TRPM3: variants seen among roughly 807,000 people sequenced by gnomAD.
TRPM3 encodes long transient receptor potential channel 3.
In TRPM3, 77 loss-of-function variants were observed where a neutral mutation model predicts 181.2. That is an observed-to-expected ratio of 0.42 (90% CI 0.35 to 0.51). TRPM3 has a LOEUF of 0.51. TRPM3 is among the 20% of genes least tolerant of loss of function. The pLI is 0.01. For missense variants in TRPM3, 1,759 were observed against 2,196.7 expected (o/e 0.80, Z 3.98); for synonymous variants, 745 against 796.4 (o/e 0.94, Z 1.09).
intron 6 of TRPM3, among the ~76,000 whole-genome samples, chr9:70,822,905 C>T (rs535427104): frequency 3.9e-5 from 6 of 152,108 alleles, no homozygotes; most frequent in African/African-American, 1.4e-4. Context: ...TGTGTCACTA[C>T]CCACCTTGAT....
At chr9:71,435,941 C>T (rs1157440715) in intron 1 of TRPM3, among the ~76,000 whole-genome samples, 2 of 152,116 alleles carry the variant, frequency 1.3e-5, no homozygotes, top group Non-Finnish European at 2.9e-5. Context: ...AACTTTACTG[C>T]CTTTGAAAAT....
intron 9 of TRPM3, among the ~76,000 whole-genome samples, chr9:70,660,937 G>T (rs1032873350): frequency 6.6e-6 from 1 of 151,984 alleles, no homozygotes; most frequent in African/African-American, 2.4e-5. Context: ...CATTCGATGA[G>T]GCCAGCATCA....
At chr9:71,416,807 C>A (rs538501086) in intron 1 of TRPM3, among the ~76,000 whole-genome samples, 1 of 151,822 alleles carries the variant, frequency 6.6e-6, no homozygotes, top group Non-Finnish European at 1.5e-5. Context: ...TTTTATAACC[C>A]CAGGAAGTTT....
At chr9:70,983,416 A>G (rs1478217540) in intron 1 of TRPM3, among the ~76,000 whole-genome samples, 1 of 152,152 alleles carries the variant, frequency 6.6e-6, no homozygotes, top group Non-Finnish European at 1.5e-5. Context: ...TAGATACTTC[A>G]AAGGCATCAA....
chr9:71,426,274 A>C (rs1018240529), intron 1 of TRPM3, among the ~76,000 whole-genome samples: 1 of 134,720 alleles, frequency 7.4e-6, no homozygotes, highest in Non-Finnish European at 1.6e-5. Context: ...TAATCTCTTC[A>C]GCCCCAGCAA....
chr9:71,231,915 A>G (rs891996371), intron 1 of TRPM3, among the ~76,000 whole-genome samples: 1 of 152,204 alleles, frequency 6.6e-6, no homozygotes, highest in Non-Finnish European at 1.5e-5. Context: ...CCTTGAACCT[A>G]AAAGTCGAAA....
intron 1 of TRPM3, among the ~76,000 whole-genome samples, chr9:70,916,757 A>G (rs12342291): frequency 0.016 from 2,419 of 152,340 alleles, 61 homozygotes; most frequent in African/African-American, 0.054. Flanking sequence ...AAATACAAGC[A>G]GCACTTTGTT....
chr9:71,326,466 G>T (rs556803690), intron 1 of TRPM3, among the ~76,000 whole-genome samples: 5 of 152,184 alleles, frequency 3.3e-5, no homozygotes, highest in Admixed American at 1.3e-4. Flanking sequence ...GCAAATAATT[G>T]TATTAATCTC....
chr9:71,194,537 A>G (rs559068793), intron 1 of TRPM3, among the ~76,000 whole-genome samples: 1 of 151,884 alleles, frequency 6.6e-6, no homozygotes, highest in Non-Finnish European at 1.5e-5. Flanking sequence ...TAAAAAGATG[A>G]CAGTAAAACT....
chr9:70,846,127 T>G (rs1234367592), intron 4 of TRPM3, among the ~76,000 whole-genome samples: 1 of 152,214 alleles, frequency 6.6e-6, no homozygotes, highest in Non-Finnish European at 1.5e-5. Flanking sequence ...CCATTAGTCA[T>G]GTTTATGAAT....
intron 1 of TRPM3, among the ~76,000 whole-genome samples, chr9:71,216,043 G>A (rs1025779402): frequency 3.9e-5 from 6 of 152,222 alleles, no homozygotes; most frequent in African/African-American, 1.4e-4. Context: ...TATGTCTATT[G>A]TGAAAGCTAA....
At chr9:70,766,443 A>T (rs551210291) in intron 7 of TRPM3, among the ~76,000 whole-genome samples, 1 of 152,190 alleles carries the variant, frequency 6.6e-6, no homozygotes, top group Non-Finnish European at 1.5e-5. Context: ...CCTTCCTGTG[A>T]CCCCCATAGA....
At chr9:70,799,809 A>G (rs1379212786) in intron 6 of TRPM3, among the ~76,000 whole-genome samples, 1 of 152,194 alleles carries the variant, frequency 6.6e-6, no homozygotes, top group Non-Finnish European at 1.5e-5. Context: ...GAGCTGAGGC[A>G]GGCCAGCAAA....
At chr9:70,909,101 G>A (rs1185502552) in intron 1 of TRPM3, among the ~76,000 whole-genome samples, 1 of 152,286 alleles carries the variant, frequency 6.6e-6, no homozygotes, top group South Asian at 2.1e-4. Context: ...AAGATTAATT[G>A]CAGTGCATTA....
intron 1 of TRPM3, among the ~76,000 whole-genome samples, chr9:70,909,534 G>T (rs1280746509): frequency 1.3e-5 from 2 of 152,022 alleles, no homozygotes; most frequent in Non-Finnish European, 2.9e-5. Flanking sequence ...AGAGGCAACA[G>T]CATTGGAAGG....
At chr9:70,796,197 AC>A (rs2086983886) in intron 6 of TRPM3, among the ~76,000 whole-genome samples, 1 of 152,176 alleles carries the variant, frequency 6.6e-6, no homozygotes, top group Non-Finnish European at 1.5e-5. Flanking sequence ...CATAGCCCAT[AC>A]AAGTTCCTTG....
chr9:70,695,738 A>G (rs2070177026), intron 8 of TRPM3, among the ~76,000 whole-genome samples: 1 of 152,184 alleles, frequency 6.6e-6, no homozygotes, highest in Non-Finnish European at 1.5e-5. Context: ...CAAGCACTTC[A>G]CAAACATGAC....
intron 1 of TRPM3, among the ~76,000 whole-genome samples, chr9:71,191,875 G>A (rs1382279074): frequency 1.3e-5 from 2 of 151,544 alleles, no homozygotes; most frequent in African/African-American, 4.8e-5. Context: ...TCAGGGTGAT[G>A]TCATATCTGT....
At chr9:70,918,947 T>C (rs1462582430) in intron 1 of TRPM3, among the ~76,000 whole-genome samples, 1 of 152,152 alleles carries the variant, frequency 6.6e-6, no homozygotes, top group African/African-American at 2.4e-5. Context: ...AGTGGGTCAA[T>C]TGCACTGTTT....
Sources: allele counts gnomAD v4.1 joint callset (sites outside exome capture counted in the v4.1 genomes callset), GRCh38; gene constraint gnomAD v4.1.1; transcripts MANE v1.5; gene names NCBI Gene and HGNC (gene_info 2026-07-23, HGNC 2026-07-21).